The following KRT25 variants were observed in gnomAD, a reference collection of about 807,000 sequenced individuals.
KRT25 encodes keratin 25, also known as keratin, type I cytoskeletal 25.
KRT25 carries 37 observed loss-of-function variants against 47.6 expected under a neutral mutation model. The ratio of observed to expected loss-of-function variants is 0.78; its 90% CI spans 0.60 to 1.02. KRT25 has a LOEUF of 1.02. Among genes scored for constraint, KRT25 ranks in the 50% least tolerant of loss-of-function variants. The probability of loss-of-function intolerance (pLI) is 0.00; values close to 1 mark genes in which losing one functional copy is unlikely to be tolerated. For synonymous variants in KRT25, 203 were observed against 210.2 expected, an observed-to-expected ratio of 0.97 and a Z score of 0.30; for missense variants, 542 against 550.3, an observed-to-expected ratio of 0.98 and a Z score of 0.15.
upstream of KRT25, chr17:40,755,460 A>C (rs1257899881): frequency 3.5e-6 from 2 of 576,796 alleles, no homozygotes; most frequent in Non-Finnish European, 6.0e-6. Context: ...GATTTTTTCT[A>C]ATTAGTAACT....
Position 40,750,430 on chromosome 17 carries a change from G to T in KRT25, c.1125C>A (p.His375Gln). The change falls in exon 6 of 8, where the codon CAC becomes CAA. Residue 375 changes from histidine to glutamine, a missense_variant. By Grantham distance (24) the His-to-Gln change is conservative. Coordinates refer to ENST00000312150, the MANE Select transcript of KRT25 (RefSeq NM_181534.4). ...EYEQLLDIKL[H>Q]LEKEIETYCL... ...AGTAGGTCTCAATTTCTTTTTCCAGGTGGAGCTTGATGTCCAGGAGCTGCT... is the reference window on the plus strand; with the variant it reads ...AGTAGGTCTCAATTTCTTTTTCCAGTTGGAGCTTGATGTCCAGGAGCTGCT... The T allele has an allele frequency of 6.2e-7, 1 of 1,613,794 alleles. No individual in the cohort carries two copies. Among genetic ancestry groups the T allele is most frequent in the Non-Finnish European group, 8.5e-7 (1 of 1,179,832 alleles).
rs73297482 is a variant in KRT25, at chr17:40,748,510, T to C, written c.1244-124A>G. 5.2e-3 allele frequency: 3,022 copies of C among 581,042 alleles called. 74 individuals carry two copies. In the African/African-American group the frequency reaches 0.053, roughly 10 times the overall value. The allele number at this position is 581,042 out of a possible 1,614,324, so 36.0% of individuals were successfully genotyped here. ...TTGCACTAAGCACAAATACTTAGAC[T>C]CATTTTTGGTGAATAATTTTGATTA... On this transcript the variant is annotated intron_variant, in intron 7 of 7. Transcript: ENST00000312150.
rs1567660148 is a variant in KRT25, at chr17:40,749,126, A to G, written c.1243+132T>C. 4.4e-6 allele frequency: 3 copies of G among 683,216 alleles called. No individual in the cohort carries two copies. In the East Asian group the frequency reaches 8.0e-5, roughly 18 times the overall value. 42.3% of individuals were successfully genotyped at this position (683,216 alleles called of 1,614,324 possible). ...TACCGGGCTTAATTCCTGGATGATCAAATAATATGCACAACAAACCTCCGT... is the reference window on the plus strand; with the variant it reads ...TACCGGGCTTAATTCCTGGATGATCGAATAATATGCACAACAAACCTCCGT... On this transcript the variant is annotated intron_variant, in intron 7 of 7. Coordinates refer to ENST00000312150, the MANE Select transcript of KRT25 (RefSeq NM_181534.4).
chr17:40,750,500 A>G lies in KRT25; in HGVS notation c.1055T>C (p.Leu352Pro). Residue 352 changes from leucine to proline, a missense_variant, in exon 6 of 8, where the codon CTG becomes CCG. Physicochemically the swap from Leu to Pro is moderately conservative, Grantham distance 98 (BLOSUM62 -3). Coordinates refer to ENST00000312150, the MANE Select transcript of KRT25 (RefSeq NM_181534.4). ...CTCGGTCTCGGTTCTGACCTGGTGC[A>G]GCTGCTCCTCCAGGGCCCCGATCTG... is the stretch of plus-strand genomic sequence containing the variant. ...QAQIGALEEQ[L>P]HQVRTETEGQ... The G allele has an allele frequency of 6.2e-7, 1 of 1,614,162 alleles. No individual in the cohort carries two copies. Among genetic ancestry groups the G allele is most frequent in the Non-Finnish European group, 8.5e-7 (1 of 1,180,004 alleles).
At position 40,748,366 on chromosome 17, in the gene KRT25, C is replaced by T; in HGVS notation, c.1264G>A (p.Val422Ile). ...TCTACCTCCTCAAGAACTTTCTTAA[C>T]CACTATGGCTTTGGCTGGGTCTGAG... ...QVKDPAKAIV[V>I]KKVLEEVDQR... Residue 422 changes from valine (V) to isoleucine (I), a missense_variant, in exon 8 of 8, where the codon GTT becomes ATT. Physicochemically the swap from Val to Ile is conservative, Grantham distance 29. Coordinates refer to ENST00000312150, the MANE Select transcript of KRT25 (RefSeq NM_181534.4). 2 of 1,611,740 alleles carry T rather than the reference C, an allele frequency of 1.2e-6. No individual in the cohort carries two copies. Among genetic ancestry groups the T allele is most frequent in the Non-Finnish European group, 1.7e-6 (2 of 1,178,932 alleles).
chr17:40,754,155 T>C (rs1427448476), intron 2 of KRT25, 139 bp from the exon 3 acceptor site: 1 of 880,644 alleles, frequency 1.1e-6, no homozygotes, highest in Admixed American at 2.6e-5. Context: ...TGTTGTATAA[T>C]AATTATTGTT....
rs2038080312 is a variant in KRT25, at chr17:40,753,969, T to C, written c.560A>G (p.Asn187Ser). ...ALHQSVEADV[N>S]GLRRVLDEIT... ...TTCATCCAAAACTCTTCGTAACCCA[T>C]TGACATCAGCCTCTACACTCTGGTG... The change falls in exon 3 of 8, where the codon AAT becomes AGT. Residue 187 changes from asparagine (N) to serine (S), a missense_variant. Transcript: ENST00000312150. 4 of 1,614,076 alleles carry C rather than the reference T, an allele frequency of 2.5e-6. No individual in the cohort carries two copies. The highest frequency in any genetic ancestry group is 2.2e-5 in the South Asian group (2 of 91,080).
intron 4 of KRT25, 29 bp downstream of exon 4, chr17:40,751,136 A>G: frequency 6.2e-7 from 1 of 1,614,108 alleles, no homozygotes; most frequent in Non-Finnish European, 8.5e-7. Context: ...AGTAACATGC[A>G]AAGGGACCGT....
At position 40,750,093 on chromosome 17, in the gene KRT25, T is replaced by G. The variant is rs528210377; in HGVS notation, c.1175+287A>C. Among the ~76,000 whole-genome samples, 6 of 152,192 alleles carry G rather than the reference T, an allele frequency of 3.9e-5. No individual in the cohort carries two copies. The South Asian group carries it at 1.2e-3, about 32-fold the overall frequency. Reference sequence around the variant, plus strand: ...TGAGCTCCAGAAACCATTTCCAGAGTCAGAATCCTGGTCCACATATTGAAA... The same window carrying G: ...TGAGCTCCAGAAACCATTTCCAGAGGCAGAATCCTGGTCCACATATTGAAA... On this transcript the variant is annotated intron_variant, in intron 6 of 7. Transcript: ENST00000312150.
At chr17:40,751,122 T>C in intron 4 of KRT25, 43 bp from the exon 5 acceptor site, 1 of 1,614,126 alleles carries the variant, frequency 6.2e-7, no homozygotes, top group Non-Finnish European at 8.5e-7. Context: ...GTTTTGTGAA[T>C]ACCAGTAACA....
intron 2 of KRT25, 127 bp from the exon 3 acceptor site, chr17:40,754,143 C>A (rs2038082029): frequency 1.1e-6 from 1 of 933,232 alleles, no homozygotes; most frequent in Non-Finnish European, 1.6e-6. Context: ...ATTTTCAAAG[C>A]TTGTTGTATA....
chr17:40,749,778 AG>A (rs1327002861), intron 6 of KRT25, among the ~76,000 whole-genome samples: 1 of 152,138 alleles, frequency 6.6e-6, no homozygotes, highest in African/African-American at 2.4e-5. Context: ...GGCAATTACA[AG>A]ATACTTTTCC....
At chr17:40,752,495 C>A (rs2038059304) in intron 3 of KRT25, among the ~76,000 whole-genome samples, 1 of 152,180 alleles carries the variant, frequency 6.6e-6, no homozygotes, top group Admixed American at 6.5e-5. Context: ...CTTCTTTCCT[C>A]CTGGTTGAAA....
At chr17:40,754,746 G>C (rs1388448747) in intron 1 of KRT25, 97 bp downstream of exon 1, 2 of 900,664 alleles carry the variant, frequency 2.2e-6, no homozygotes, top group Non-Finnish European at 3.2e-6. Flanking sequence ...AAAATCACAA[G>C]TAGGAATGAT....
chr17:40,754,299 T>G (rs1226938908), intron 2 of KRT25, 87 bp downstream of exon 2: 1 of 1,108,984 alleles, frequency 9.0e-7, no homozygotes, highest in African/African-American at 1.6e-5. Flanking sequence ...TCAAGTGTTT[T>G]ATAATTTTGG....
upstream of KRT25, chr17:40,755,352 C>T: frequency 7.3e-7 from 1 of 1,374,860 alleles, no homozygotes; most frequent in Non-Finnish European, 9.9e-7. Context: ...GTTTGGTTTG[C>T]CTTTTTATAG....
chr17:40,754,460 T>G lies in KRT25; in HGVS notation c.438A>C (p.Ala146=), dbSNP rs76557891. 4,851 of 1,613,670 alleles carry G rather than the reference T, an allele frequency of 3.0e-3. 180 individuals carry two copies. The East Asian group carries it at 0.083, about 28-fold the overall frequency. The change falls in exon 2 of 8, where the codon GCA becomes GCC. Residue 146 remains alanine (A), a synonymous_variant. Transcript: ENST00000312150. ...IIDDLKNQII[A]STTSNANAVL... is the part of the protein sequence containing the mutation. ...CAGCATTAGCATTGCTGGTGGTGGA[T>G]GCGATGATCTAGAAATGGGAATTTG...
Position 40,748,173 on chromosome 17 carries a change from A to G in KRT25, c.*104T>C. 2 of 673,084 alleles carry G rather than the reference A, an allele frequency of 3.0e-6. No individual in the cohort carries two copies. The highest frequency in any genetic ancestry group is 5.0e-6 in the Non-Finnish European group (2 of 402,526). 41.7% of individuals were successfully genotyped at this position (673,084 alleles called of 1,614,324 possible). A position where few individuals can be genotyped will look rare whatever the true frequency, so the allele number is the denominator to read the frequency against. ...CCAGAAAGAAAGTAACAGAAAGACA[A>G]CAGGTTAGACATTTTTCTTAGACAT... is the stretch of plus-strand genomic sequence containing the variant. On this transcript the variant is annotated 3_prime_UTR_variant, in exon 8 of 8. Coordinates refer to ENST00000312150, the MANE Select transcript of KRT25 (RefSeq NM_181534.4).
At chr17:40,754,121 GC>G in intron 2 of KRT25, 105 bp from the exon 3 acceptor site, 1 of 1,105,466 alleles carries the variant, frequency 9.0e-7, no homozygotes, top group Non-Finnish European at 1.3e-6. Flanking sequence ...TGAAGATTTG[GC>G]CACAAGAGGC....
Sources: allele counts gnomAD v4.1 joint callset (sites outside exome capture counted in the v4.1 genomes callset), GRCh38; gene constraint gnomAD v4.1.1; transcripts MANE v1.5; gene names NCBI Gene and HGNC (gene_info 2026-07-23, HGNC 2026-07-21).